The following LRRTM4 variants were observed in gnomAD, a reference collection of about 807,000 sequenced individuals.
LRRTM4 encodes the protein leucine rich repeat transmembrane neuronal 4.
Under a neutral mutation model 47.6 loss-of-function variants are expected in LRRTM4, and 25 were observed. The observed-to-expected ratio is 0.53, with a 90% CI of 0.38 to 0.73. LRRTM4 has a LOEUF of 0.73. Ranked by LOEUF, LRRTM4 falls within the 30% of genes least tolerant of loss-of-function variation. The pLI is 0.00. For synonymous variants in LRRTM4, 311 were observed against 269.5 expected (o/e 1.15, Z -1.51); for missense variants, 638 against 713.4 (o/e 0.89, Z 1.20).
chr2:77,214,542 T>G (rs1674383992), intron 3 of LRRTM4, among the ~76,000 whole-genome samples: 1 of 152,270 alleles, frequency 6.6e-6, no homozygotes, highest in East Asian at 1.9e-4. Context: ...TATGCTAACT[T>G]ATTTTGACAT....
intron 3 of LRRTM4, among the ~76,000 whole-genome samples, chr2:77,074,836 T>C (rs1469725405): frequency 6.6e-6 from 1 of 152,174 alleles, no homozygotes; most frequent in Non-Finnish European, 1.5e-5. Flanking sequence ...AGAATTTGAA[T>C]TAGTCAAATA....
At chr2:76,997,670 G>A (rs530365106) in intron 3 of LRRTM4, among the ~76,000 whole-genome samples, 3 of 152,182 alleles carry the variant, frequency 2.0e-5, no homozygotes, top group Admixed American at 1.3e-4. Flanking sequence ...AGAGAAAATT[G>A]AACTAACATT....
intron 3 of LRRTM4, among the ~76,000 whole-genome samples, chr2:77,502,159 A>G (rs1678592263): frequency 6.6e-6 from 1 of 151,586 alleles, no homozygotes; most frequent in Admixed American, 6.6e-5. Context: ...GCTTACTGAT[A>G]TATAAACATG....
intron 3 of LRRTM4, among the ~76,000 whole-genome samples, chr2:77,087,069 A>G (rs528190401): frequency 6.6e-6 from 1 of 152,318 alleles, no homozygotes; most frequent in South Asian, 2.1e-4. Context: ...GAAAGTTCAT[A>G]CCAAAACTAA....
At chr2:76,788,662 AAAGT>A (rs1333348253) in intron 3 of LRRTM4, among the ~76,000 whole-genome samples, 6 of 152,176 alleles carry the variant, frequency 3.9e-5, no homozygotes, top group South Asian at 2.1e-4. Flanking sequence ...ATAAGAGAGA[AAAGT>A]AATAGCACAA....
intron 3 of LRRTM4, among the ~76,000 whole-genome samples, chr2:77,089,863 C>T (rs1314408690): frequency 1.3e-5 from 2 of 152,156 alleles, no homozygotes; most frequent in African/African-American, 4.8e-5. Context: ...AATAGGCAAA[C>T]GGTCTGAGGT....
chr2:77,362,115 G>GAGAAAGAAAGAAAGAAAGAAAAGAAAGAA (rs1553434345), intron 3 of LRRTM4, among the ~76,000 whole-genome samples: 122 of 98,830 alleles, frequency 1.2e-3, no homozygotes, highest in South Asian at 2.9e-3. Flanking sequence ...GAAAGAAAGA[G>GAGAAAGAAAGAAAGAAAGAAAAGAAAGAA]AGAAAGAAAG....
intron 3 of LRRTM4, among the ~76,000 whole-genome samples, chr2:76,953,872 G>C (rs1675577093): frequency 1.3e-5 from 2 of 151,872 alleles, no homozygotes; most frequent in South Asian, 2.1e-4. Context: ...GAAGGTTACA[G>C]AGCACAAGAG....
intron 3 of LRRTM4, among the ~76,000 whole-genome samples, chr2:77,343,400 A>G (rs7575833): frequency 2.6e-5 from 4 of 151,918 alleles, no homozygotes; most frequent in Admixed American, 6.6e-5. Context: ...TCAAACCCCA[A>G]ATTAATTTTT....
chr2:77,316,014 C>G (rs895369780), intron 3 of LRRTM4, among the ~76,000 whole-genome samples: 2 of 152,134 alleles, frequency 1.3e-5, no homozygotes, highest in Admixed American at 1.3e-4. Context: ...TTTTTTCTCA[C>G]TGGAACAGGG....
rs549198804 is a variant in LRRTM4 at position 77,234,958 on chromosome 2, T to A, written c.1551+283360A>T. ...CTGCTTGTATCCAATGTTTTGCTCC[T>A]GCTTATAAGTGATAACAGGCAGTAT... On this transcript the variant is annotated intron_variant, in intron 3 of 3. Transcript: ENST00000409884. Among the ~76,000 whole-genome samples the A allele has an allele frequency of 7.9e-5, 12 of 152,262 alleles. No individual in the cohort carries two copies. In the South Asian group the frequency reaches 2.5e-3, roughly 32 times the overall value.
chr2:76,933,942 A>G (rs1484807272), intron 3 of LRRTM4, among the ~76,000 whole-genome samples: 4 of 152,126 alleles, frequency 2.6e-5, no homozygotes, highest in African/African-American at 9.7e-5. Flanking sequence ...TAGAGATTTC[A>G]AATATATTGG....
intron 3 of LRRTM4, among the ~76,000 whole-genome samples, chr2:77,137,078 C>G (rs1187081361): frequency 6.6e-6 from 1 of 151,658 alleles, no homozygotes; most frequent in Non-Finnish European, 1.5e-5. Context: ...GAGAACTTCC[C>G]CAACCTACCA....
chr2:77,015,288 T>C (rs564308172), intron 3 of LRRTM4, among the ~76,000 whole-genome samples: 1 of 152,302 alleles, frequency 6.6e-6, no homozygotes, highest in African/African-American at 2.4e-5. Context: ...TTCCCATTGG[T>C]TCTGCTTCCC....
chr2:77,025,065 A>T (rs1313699347), intron 3 of LRRTM4, among the ~76,000 whole-genome samples: 1 of 152,184 alleles, frequency 6.6e-6, no homozygotes, highest in African/African-American at 2.4e-5. Flanking sequence ...TTGTGATAAA[A>T]ATCAGTACGT....
chr2:77,221,692 C>T (rs986038601), intron 3 of LRRTM4, among the ~76,000 whole-genome samples: 1 of 151,750 alleles, frequency 6.6e-6, no homozygotes, highest in Admixed American at 6.6e-5. Context: ...ACAGGAGCAC[C>T]CAGATTCATA....
chr2:76,779,303 T>A (rs1179495244), intron 3 of LRRTM4, among the ~76,000 whole-genome samples: 1 of 150,624 alleles, frequency 6.6e-6, no homozygotes, highest in African/African-American at 2.4e-5. Context: ...TGAGTTCAAT[T>A]CCTGGGTATC....
chr2:76,773,481 T>C (rs946230742), intron 3 of LRRTM4, among the ~76,000 whole-genome samples: 7 of 152,204 alleles, frequency 4.6e-5, no homozygotes, highest in African/African-American at 1.2e-4. Context: ...GCAGTATATA[T>C]GTGAAAAAGT....
At position 77,518,632 on chromosome 2, in the gene LRRTM4, C is replaced by A. The variant is rs760929307; in HGVS notation, c.1237G>T (p.Ala413Ser). The A allele has an allele frequency of 6.2e-6, 10 of 1,613,350 alleles. No individual in the cohort carries two copies. The highest frequency in any genetic ancestry group is 2.2e-5 in the South Asian group (2 of 91,050). Residue 413 changes from alanine (A) to serine (S), a missense_variant, in exon 3 of 4, where the codon GCA becomes TCA. Transcript: ENST00000409884. ...SPSPGFQIPG[A>S]EQEYEHVSFH... ...GAAACATGCTCATACTCTTGCTCTG[C>A]GCCAGGAATCTGAAACCCTGGGGAA...
Sources: gnomAD v4.1 joint callset for allele counts (sites outside exome capture counted in the v4.1 genomes callset) on GRCh38, gnomAD v4.1.1 for gene constraint, MANE v1.5 for transcripts, NCBI Gene and HGNC (gene_info 2026-07-23, HGNC 2026-07-21) for gene names.